Variants in COQ8A observed in about 807,000 individuals in gnomAD.
The protein encoded by COQ8A is coenzyme Q8A, also known as atypical kinase COQ8A, mitochondrial.
Under a neutral mutation model 65.0 loss-of-function variants are expected in COQ8A, and 51 were observed. The ratio of observed to expected loss-of-function variants is 0.78; its 90% CI spans 0.63 to 0.99. The LOEUF is 0.99. COQ8A is among the 50% of genes least tolerant of loss of function. The probability of loss-of-function intolerance (pLI) is 0.00; values close to 1 mark genes in which losing one functional copy is unlikely to be tolerated. For synonymous variants in COQ8A, 371 were observed against 353.2 expected (o/e 1.05, Z -0.57); for missense variants, 940 against 875.0 (o/e 1.07, Z -0.94).
At chr1:226,974,041 G>A (rs921759911) in intron 4 of COQ8A, among the ~76,000 whole-genome samples, 1 of 152,156 alleles carries the variant, frequency 6.6e-6, no homozygotes, top group African/African-American at 2.4e-5. Flanking sequence ...CCTGTTTGTT[G>A]GAAGTTGTTT....
At position 226,986,191 on chromosome 1, in the gene COQ8A, T is replaced by A. The variant is rs17592479; in HGVS notation, c.1660-262T>A. 0.41 allele frequency among the ~76,000 whole-genome samples: 62,190 copies of A among 151,740 alleles called. 13,414 individuals carry two copies. The highest frequency in any genetic ancestry group is 0.5 in the Non-Finnish European group (33,758 of 67,868). On this transcript the variant is annotated intron_variant, in intron 14 of 14. Coordinates refer to ENST00000366777, the MANE Select transcript of COQ8A (RefSeq NM_020247.5). ...AGAACAGTGTTTTGTTAAAACTCTGTATGAGTGCCACGAGGCGGGACGCAT... is the reference window on the plus strand; with the variant it reads ...AGAACAGTGTTTTGTTAAAACTCTGAATGAGTGCCACGAGGCGGGACGCAT...
intron 4 of COQ8A, among the ~76,000 whole-genome samples, chr1:226,969,502 C>T (rs969578835): frequency 6.6e-6 from 1 of 152,160 alleles, no homozygotes; most frequent in Non-Finnish European, 1.5e-5. Flanking sequence ...TCCTAAAGTG[C>T]TAGGATTACA....
intron 10 of COQ8A, 88 bp downstream of exon 10, chr1:226,983,942 C>CT (rs1165710745): frequency 6.5e-7 from 1 of 1,548,218 alleles, no homozygotes; most frequent in African/African-American, 1.4e-5. Context: ...CCCTCCAGCT[C>CT]TGAGGGGCAG....
chr1:226,956,153 G>A (rs1657732830), intron 1 of COQ8A, among the ~76,000 whole-genome samples: 1 of 139,258 alleles, frequency 7.2e-6, no homozygotes, highest in South Asian at 2.3e-4. Context: ...CATTCTCCCT[G>A]GTTCACACTC....
At position 226,946,891 on chromosome 1, in the gene COQ8A, A is replaced by G. The variant is rs1479464500; in HGVS notation, c.-10+6492A>G. ...CTCCTCCTAGCTCTTGCACACCCAG[A>G]GGCAGTCTTCAGTGTAGGGCGTCTG... On this transcript the variant is annotated intron_variant, in intron 1 of 14. Coordinates refer to ENST00000366777, the MANE Select transcript of COQ8A (RefSeq NM_020247.5). This position sits in a 1 kb window ranked among gnomAD's most constrained non-coding sequence, Gnocchi z 5.3. 1.3e-5 allele frequency among the ~76,000 whole-genome samples: 2 copies of G among 152,218 alleles called. No homozygotes were observed. Among genetic ancestry groups the G allele is most frequent in the Admixed American group, 1.3e-4 (2 of 15,282 alleles).
chr1:226,982,278 A>G, intron 6 of COQ8A, 129 bp downstream of exon 6: 1 of 1,343,202 alleles, frequency 7.4e-7, no homozygotes, highest in Non-Finnish European at 1.0e-6. Flanking sequence ...GAGAGATCTT[A>G]GAAGATAATA....
In COQ8A at chr1:226,965,720, G is replaced by A. The variant is rs767584322; in HGVS notation, c.638G>A (p.Arg213Gln). ...ERKVPVTRIG[R>Q]LANFGGLAVG... The stretch of plus-strand genomic sequence containing the variant: ...AAGGTGCCTGTGACGAGGATTGGCC[G>A]GCTGGCCAACTTCGGAGGTAAGGTG... The change falls in exon 4 of 15, where the codon CGG becomes CAG. Residue 213 changes from arginine to glutamine, a missense_variant. Transcript: ENST00000366777. 1.7e-5 allele frequency: 27 copies of A among 1,613,764 alleles called. No homozygotes were observed. The highest frequency in any genetic ancestry group is 2.7e-5 in the African/African-American group (2 of 74,932).
chr1:226,958,529 C>T (rs896049600), intron 1 of COQ8A, among the ~76,000 whole-genome samples: 4 of 152,174 alleles, frequency 2.6e-5, no homozygotes, highest in Non-Finnish European at 5.9e-5. Flanking sequence ...GGGCATGCCA[C>T]GCTGCCATGA....
At position 226,984,879 on chromosome 1, in the gene COQ8A, GCT is replaced by G; in HGVS notation, c.1513_1514del (p.Leu505PhefsTer10). The G allele has an allele frequency of 1.9e-6, 3 of 1,614,138 alleles. No individual in the cohort carries two copies. The highest frequency in any genetic ancestry group is 2.5e-6 in the Non-Finnish European group (3 of 1,180,004). Reference sequence around the variant, plus strand: ...CTCCTGGTGTCTCTGTCCCCAGGTGGCTCTTTTGGATTTTGGGGCAACGCGGG... The same window carrying G: ...CTCCTGGTGTCTCTGTCCCCAGGTGGCTTTTGGATTTTGGGGCAACGCGGG... ...FFYDPQQHKVALLDFGATREY... is the reference protein window; with the variant it reads ...FFYDPQQHKVXLLDFGATREY... On this transcript the variant is annotated frameshift_variant, in exon 13 of 15. Coordinates refer to ENST00000366777, the MANE Select transcript of COQ8A (RefSeq NM_020247.5). LOFTEE classifies it high-confidence loss of function.
intron 10 of COQ8A, 98 bp downstream of exon 10, chr1:226,983,952 G>T (rs1460889514): frequency 8.4e-6 from 13 of 1,550,032 alleles, no homozygotes; most frequent in Non-Finnish European, 1.1e-5. Flanking sequence ...CTGAGGGGCA[G>T]AGGGCTGGGG....
chr1:226,985,444 C>T, intron 14 of COQ8A, 104 bp downstream of exon 14: 1 of 1,366,092 alleles, frequency 7.3e-7, no homozygotes, highest in African/African-American at 1.4e-5. Context: ...CAAGGGGCCC[C>T]CAGAGCCCGG....
At chr1:226,961,221 G>A (rs1262190631) in intron 1 of COQ8A, among the ~76,000 whole-genome samples, 156 bp from the exon 2 acceptor site, 1 of 152,146 alleles carries the variant, frequency 6.6e-6, no homozygotes, top group Non-Finnish European at 1.5e-5. Flanking sequence ...AGCCTCCCTT[G>A]AGCCCTGGGC....
In COQ8A at chr1:226,986,495, G is replaced by T. The variant is rs376478331; in HGVS notation, c.1702G>T (p.Glu568Ter). The T allele has an allele frequency of 1.4e-5, 22 of 1,613,332 alleles. No homozygotes were observed. The highest frequency in any genetic ancestry group is 1.8e-5 in the Non-Finnish European group (21 of 1,180,026). The change falls in exon 15 of 15, where the codon GAG (glutamate) becomes TAG (stop). Residue 568 changes from glutamate (E) to a stop codon, truncating the protein, a stop_gained. Transcript: ENST00000366777. LOFTEE classifies it high-confidence loss of function. ...CTTGGATGCCATCCTCATCCTGGGG[G>T]AGGCCTTCGCCTCTGATGAGCCTTT... ...AHLDAILILG[E>*]AFASDEPFDF... is the part of the protein sequence containing the mutation.
In COQ8A at chr1:226,965,074, G is replaced by A. The variant is rs775657261; in HGVS notation, c.252G>A (p.Pro84=). 9 of 1,613,822 alleles carry A rather than the reference G, an allele frequency of 5.6e-6. No individual in the cohort carries two copies. The highest frequency in any genetic ancestry group is 4.5e-5 in the East Asian group (2 of 44,888). The part of the protein sequence containing the change: ...GPEGEFHFSV[P]HAAGASTDFS... ...AAGGGGAGTTCCACTTCTCAGTCCC[G>A]CATGCAGCCGGAGCCTCCACAGACT... Residue 84 remains proline, a synonymous_variant, in exon 3 of 15, where the codon CCG becomes CCA. Transcript: ENST00000366777.
chr1:226,965,659 G>A lies in COQ8A; in HGVS notation c.589-12G>A, dbSNP rs768150745. 1.2e-5 allele frequency: 19 copies of A among 1,613,840 alleles called. No homozygotes were observed. The highest frequency in any genetic ancestry group is 6.7e-5 in the East Asian group (3 of 44,894). On this transcript the variant is annotated splice_polypyrimidine_tract_variant and intron_variant, in intron 3 of 14. Transcript: ENST00000366777. ...GGCTGATTCCACAGGTCTCTTTCTC[G>A]TCTCCCTCCAGCTCAGCGAGCATGC... is the stretch of plus-strand genomic sequence containing the variant.
rs1379949433 is a variant in COQ8A, at chr1:226,949,130, GA to G, written c.-10+8732del. Among the ~76,000 whole-genome samples the G allele has an allele frequency of 1.3e-5, 2 of 151,884 alleles. No individual in the cohort carries two copies. Among genetic ancestry groups the G allele is most frequent in the Admixed American group, 6.6e-5 (1 of 15,236 alleles). On this transcript the variant is annotated intron_variant, in intron 1 of 14. Coordinates refer to ENST00000366777, the MANE Select transcript of COQ8A (RefSeq NM_020247.5). This position sits in a 1 kb window ranked among gnomAD's most constrained non-coding sequence, Gnocchi z 4.0. ...TTCAGACGTACAGAGATGAAGGGGC[GA>G]GCGGGCCTGCCTGAGAAAGTAGGAC...
chr1:226,983,889 A>G, intron 10 of COQ8A, 35 bp downstream of exon 10: 1 of 1,595,606 alleles, frequency 6.3e-7, no homozygotes. Context: ...GCGTGTTTGC[A>G]CCAGGGAGGC....
chr1:226,960,502 G>GGTGGTGATGGTA (rs1558187650), intron 1 of COQ8A, among the ~76,000 whole-genome samples: 3 of 109,898 alleles, frequency 2.7e-5, no homozygotes, highest in East Asian at 3.0e-4. Context: ...TGGTGGTGGT[G>GGTGGTGATGGTA]CTTGGTGGTG....
intron 14 of COQ8A, among the ~76,000 whole-genome samples, chr1:226,985,980 C>T (rs1467451566): frequency 3.3e-5 from 5 of 152,198 alleles, no homozygotes; most frequent in Non-Finnish European, 5.9e-5. Flanking sequence ...TCCCTCTGAC[C>T]ACCTTGGGCT....
Sources: gnomAD v4.1 joint callset for allele counts (sites outside exome capture counted in the v4.1 genomes callset) on GRCh38, gnomAD v4.1.1 for gene constraint, Gnocchi (gnomAD v3.1) non-coding constraint, MANE v1.5 for transcripts, NCBI Gene and HGNC (gene_info 2026-07-23, HGNC 2026-07-21) for gene names.